MYO9A: variants seen among roughly 807,000 people sequenced by gnomAD.
MYO9A encodes myosin IXA.
MYO9A carries 103 observed loss-of-function variants against 293.3 expected under a neutral mutation model. The ratio of observed to expected loss-of-function variants is 0.35; its 90% CI spans 0.30 to 0.41. The LOEUF (loss-of-function observed/expected upper bound fraction) is 0.41. Ranked by LOEUF, MYO9A falls within the 10% of genes least tolerant of loss-of-function variation. MYO9A has a pLI of 1.00. For missense variants in MYO9A, 2,685 were observed against 3,033.0 expected (o/e 0.89, Z 2.69); for synonymous variants, 1,001 against 1,035.7 (o/e 0.97, Z 0.64).
chr15:71,896,392 A>AT (rs2057327613), intron 25 of MYO9A, among the ~76,000 whole-genome samples: 1 of 152,218 alleles, frequency 6.6e-6, no homozygotes, highest in African/African-American at 2.4e-5. Context: ...ATATAAAGAT[A>AT]ATACAAGTAT....
chr15:71,916,485 AG>A lies in MYO9A; in HGVS notation c.2569del (p.Leu857Ter). 6.2e-7 allele frequency: 1 copy of A among 1,604,358 alleles called. No homozygotes were observed. Among genetic ancestry groups the A allele is most frequent in the Non-Finnish European group, 8.5e-7 (1 of 1,177,620 alleles). On this transcript the variant is annotated frameshift_variant, in exon 19 of 42. Transcript: ENST00000356056. LOFTEE classifies it high-confidence loss of function. The part of the protein sequence containing the change: ...KSKPALPKHL[L>X]EVNSLKHLTR... Reference sequence around the variant, plus strand: ...CAGGTGCTTTAAAGAATTTACTTCTAGCAAGTGCTGAAAGAAGAGAAAAAAT... The same window carrying A: ...CAGGTGCTTTAAAGAATTTACTTCTACAAGTGCTGAAAGAAGAGAAAAAAT...
intron 13 of MYO9A, among the ~76,000 whole-genome samples, chr15:71,966,058 G>A (rs1287668042): frequency 8.6e-5 from 13 of 151,708 alleles, no homozygotes; most frequent in Non-Finnish European, 1.8e-4. Context: ...TGTATTTTTA[G>A]TAGAGATGAG....
At position 71,825,606 on chromosome 15, in the gene MYO9A, G is replaced by A. The variant is rs1432553055; in HGVS notation, c.*974C>T. 6.6e-6 allele frequency: 1 copy of A among 152,126 alleles called. No homozygotes were observed. The highest frequency in any genetic ancestry group is 1.5e-5 in the Non-Finnish European group (1 of 67,988). The allele number at this position is 152,126 out of a possible 1,614,324, so 9.4% of individuals were successfully genotyped here. On this transcript the variant is annotated 3_prime_UTR_variant, in exon 42 of 42. Coordinates refer to ENST00000356056, the MANE Select transcript of MYO9A (RefSeq NM_006901.4). ...AACTAACTAAACGGTCACATTATTT[G>A]TTTGTTTGTTTGAGTCTGAGTCTGT...
intron 17 of MYO9A, among the ~76,000 whole-genome samples, chr15:71,934,458 A>T (rs1434984901): frequency 6.6e-6 from 1 of 152,176 alleles, no homozygotes; most frequent in African/African-American, 2.4e-5. Flanking sequence ...GACCTACATA[A>T]ATAGAACCTA....
intron 12 of MYO9A, among the ~76,000 whole-genome samples, chr15:71,975,269 G>C (rs923461347): frequency 5.3e-5 from 8 of 151,510 alleles, no homozygotes; most frequent in African/African-American, 1.9e-4. Context: ...ATCCATGTTT[G>C]AAAGCCAGGG....
At chr15:72,001,071 C>A (rs77450247) in intron 8 of MYO9A, among the ~76,000 whole-genome samples, 1,654 of 152,244 alleles carry the variant, frequency 0.011, 28 homozygotes, top group African/African-American at 0.038. Flanking sequence ...TATGCTCTCT[C>A]AGCAGTAGCA....
upstream of MYO9A, chr15:72,118,212 C>G (rs1322452172): frequency 2.8e-6 from 1 of 353,036 alleles, no homozygotes; most frequent in African/African-American, 2.1e-5. Flanking sequence ...CGCCCCCGCA[C>G]GTGACGCCAC....
chr15:72,109,945 A>C lies in MYO9A; in HGVS notation c.-72+7735T>G, dbSNP rs185919673. On this transcript the variant is annotated intron_variant, in intron 1 of 41. Transcript: ENST00000356056. ...GGCAAAAAAAATCTAAAAATCGTTT[A>C]TAAACATGTCCACACAGTCACCTAA... is the stretch of plus-strand genomic sequence containing the variant. Among the ~76,000 whole-genome samples, 655 of 151,434 alleles carry C rather than the reference A, an allele frequency of 4.3e-3. 31 individuals are homozygous for C. The highest frequency in any genetic ancestry group is 0.039 in the Admixed American group (596 of 15,140).
chr15:72,056,861 G>A (rs1282373264), intron 1 of MYO9A, among the ~76,000 whole-genome samples: 3 of 152,192 alleles, frequency 2.0e-5, no homozygotes, highest in Non-Finnish European at 4.4e-5. Context: ...TGTAATCCCT[G>A]CACTTTGGGA....
intron 16 of MYO9A, among the ~76,000 whole-genome samples, chr15:71,937,170 A>T (rs2058665061): frequency 6.6e-6 from 1 of 152,150 alleles, no homozygotes; most frequent in Non-Finnish European, 1.5e-5. Flanking sequence ...TTTTAAAAAA[A>T]GAAAACAGAG....
intron 2 of MYO9A, 64 bp downstream of exon 2, chr15:72,045,660 A>ACCCCCCC: frequency 6.8e-7 from 1 of 1,478,512 alleles, no homozygotes; most frequent in South Asian, 1.4e-5. Context: ...GGAATGGTAC[A>ACCCCCCC]CCCCCCCACC....
At chr15:71,947,443 T>A (rs74022484) in intron 15 of MYO9A, among the ~76,000 whole-genome samples, 482 of 152,312 alleles carry the variant, frequency 3.2e-3, no homozygotes, top group African/African-American at 0.011. Flanking sequence ...TTCTCCTAAG[T>A]ACTTCTTTAT....
intron 1 of MYO9A, among the ~76,000 whole-genome samples, chr15:72,086,865 T>C (rs1262810122): frequency 6.6e-6 from 1 of 152,064 alleles, no homozygotes; most frequent in Non-Finnish European, 1.5e-5. Flanking sequence ...CCTCCCAGGT[T>C]CAAGCGATTC....
intron 14 of MYO9A, among the ~76,000 whole-genome samples, chr15:71,952,150 A>G (rs1179180829): frequency 6.6e-6 from 1 of 152,228 alleles, no homozygotes; most frequent in Non-Finnish European, 1.5e-5. Context: ...GTTAGTTAAC[A>G]CCATACTAGA....
chr15:71,998,077 C>G (rs1239108076), intron 9 of MYO9A, among the ~76,000 whole-genome samples: 1 of 152,164 alleles, frequency 6.6e-6, no homozygotes, highest in Non-Finnish European at 1.5e-5. Context: ...AACCTAAATG[C>G]TCATCAATGA....
chr15:71,934,821 G>C (rs1227832958), intron 17 of MYO9A, among the ~76,000 whole-genome samples: 1 of 137,070 alleles, frequency 7.3e-6, no homozygotes, highest in Non-Finnish European at 1.6e-5. Context: ...TGGAGAGATG[G>C]GGTCTCTATG....
At chr15:71,885,934 T>C (rs2142812474) in intron 27 of MYO9A, among the ~76,000 whole-genome samples, 1 of 152,156 alleles carries the variant, frequency 6.6e-6, no homozygotes, top group African/African-American at 2.4e-5. Flanking sequence ...GTTGCTCCTT[T>C]ATCATATTTT....
chr15:71,852,328 G>A, intron 35 of MYO9A, 68 bp from the exon 36 acceptor site: 2 of 1,176,610 alleles, frequency 1.7e-6, no homozygotes, highest in South Asian at 1.6e-5. Flanking sequence ...ATTCACTTTA[G>A]AAACTATCAT....
Position 71,880,360 on chromosome 15 carries a change from C to T in MYO9A, c.5597G>A (p.Ser1866Asn), listed in dbSNP as rs1445722430. Residue 1866 changes from serine (S) to asparagine (N), a missense_variant, in exon 29 of 42, where the codon AGC becomes AAC. This residue lies in a region of MYO9A where 1,434 missense variants were observed against 1,497.7 expected (regional missense o/e 0.96). Transcript: ENST00000356056. ...CTTTTTCAGAAGAAATTCATCCATG[C>T]TTTTTAAATCACTGACACTTGCTAT... ...QIIASVSDLKSMDEFLLKKVN... is the reference protein window; with the variant it reads ...QIIASVSDLKNMDEFLLKKVN... 5.6e-6 allele frequency: 9 copies of T among 1,614,186 alleles called. No individual in the cohort carries two copies. The highest frequency in any genetic ancestry group is 7.6e-6 in the Non-Finnish European group (9 of 1,180,008).
Sources: gnomAD v4.1 joint callset for allele counts (sites outside exome capture counted in the v4.1 genomes callset) on GRCh38, gnomAD v4.1.1 for gene constraint, gnomAD v4.1.1 regional missense constraint, MANE v1.5 for transcripts, NCBI Gene and HGNC (gene_info 2026-07-23, HGNC 2026-07-21) for gene names.